GRIK4: variants seen among roughly 807,000 people sequenced by gnomAD.
GRIK4 encodes the protein glutamate receptor ionotropic, kainate 4.
In GRIK4, 40 loss-of-function variants were observed where a neutral mutation model predicts 104.9. That is an observed-to-expected ratio of 0.38 (90% CI 0.30 to 0.50). GRIK4 has a LOEUF of 0.50. GRIK4 is among the 20% of genes least tolerant of loss of function. The pLI, the probability that GRIK4 is intolerant of heterozygous loss-of-function variation, is 0.93. For missense variants in GRIK4, 1,047 were observed against 1,308.1 expected (o/e 0.80, Z 3.08); for synonymous variants, 485 against 524.9 (o/e 0.92, Z 1.04).
At position 120,987,869 on chromosome 11, in the gene GRIK4, T is replaced by A. The variant is rs1944782757; in HGVS notation, c.*1609T>A. 1 of 148,960 alleles carries A rather than the reference T, an allele frequency of 6.7e-6. No homozygotes were observed. Among genetic ancestry groups the A allele is most frequent in the Non-Finnish European group, 1.5e-5 (1 of 67,404 alleles). 9.2% of individuals were successfully genotyped at this position (148,960 alleles called of 1,614,324 possible). A position where few individuals can be genotyped will look rare whatever the true frequency, so the allele number is the denominator to read the frequency against. ...TGATGGAAAACAAATTCTATGCAAT[T>A]TCTGATTGTAAACTTAGAAAATTCA... On this transcript the variant is annotated 3_prime_UTR_variant, in exon 21 of 21. Coordinates refer to ENST00000527524, the MANE Select transcript of GRIK4 (RefSeq NM_014619.5).
chr11:120,872,367 G>GGA (rs2135672696), intron 9 of GRIK4: 1 of 167,338 alleles, frequency 6.0e-6, no homozygotes, highest in Admixed American at 5.8e-5. Context: ...CACTCTGCCT[G>GGA]GAGAGCTTGA....
At chr11:120,771,894 C>T (rs1359441627) in intron 3 of GRIK4, among the ~76,000 whole-genome samples, 1 of 152,234 alleles carries the variant, frequency 6.6e-6, no homozygotes, top group Non-Finnish European at 1.5e-5. Flanking sequence ...ATGGAGAACC[C>T]CCACTTGGGC....
At chr11:120,794,746 T>G (rs1208852100) in intron 3 of GRIK4, among the ~76,000 whole-genome samples, 3 of 152,054 alleles carry the variant, frequency 2.0e-5, no homozygotes, top group Non-Finnish European at 4.4e-5. Flanking sequence ...CAGTCTGTGG[T>G]GCTTTGTAAT....
intron 13 of GRIK4, among the ~76,000 whole-genome samples, chr11:120,908,124 G>A (rs763819706): frequency 8.5e-5 from 13 of 152,176 alleles, no homozygotes; most frequent in Non-Finnish European, 1.5e-4. Context: ...AGAAGCCATT[G>A]CATCTAAATC....
At chr11:120,591,176 C>T (rs1565563930) in intron 1 of GRIK4, among the ~76,000 whole-genome samples, 2 of 151,636 alleles carry the variant, frequency 1.3e-5, no homozygotes, top group South Asian at 2.1e-4. Flanking sequence ...CATCTCCTCC[C>T]TTGACTGTGG....
intron 1 of GRIK4, among the ~76,000 whole-genome samples, chr11:120,581,219 TTCTC>T (rs973694768): frequency 6.6e-6 from 1 of 152,208 alleles, no homozygotes; most frequent in Non-Finnish European, 1.5e-5. Context: ...TCTTTTCATT[TTCTC>T]TCTCTCTGTC....
intron 1 of GRIK4, among the ~76,000 whole-genome samples, chr11:120,544,032 C>T (rs999250288): frequency 6.6e-6 from 1 of 152,176 alleles, no homozygotes; most frequent in Non-Finnish European, 1.5e-5. Flanking sequence ...CTATGCAAGG[C>T]GAGTCAGTTC....
At chr11:120,543,326 C>G (rs968883154) in intron 1 of GRIK4, among the ~76,000 whole-genome samples, 4 of 152,110 alleles carry the variant, frequency 2.6e-5, no homozygotes, top group African/African-American at 9.7e-5. Context: ...GCCTGTAATC[C>G]CAGCACTTTT....
At chr11:120,874,795 C>T (rs1954731661) in intron 10 of GRIK4, among the ~76,000 whole-genome samples, 2 of 152,134 alleles carry the variant, frequency 1.3e-5, no homozygotes, top group Non-Finnish European at 2.9e-5. Context: ...TGGGTGAGTG[C>T]CTGCCCGGAG....
At chr11:120,969,444 C>T (rs891037383) in intron 19 of GRIK4, among the ~76,000 whole-genome samples, 1 of 152,010 alleles carries the variant, frequency 6.6e-6, no homozygotes, top group Admixed American at 6.6e-5. Flanking sequence ...GTGGGCAGGG[C>T]TGTGTGCAGG....
At chr11:120,680,269 G>A (rs544212455) in intron 3 of GRIK4, among the ~76,000 whole-genome samples, 1 of 152,272 alleles carries the variant, frequency 6.6e-6, no homozygotes, top group African/African-American at 2.4e-5. Context: ...GTAGAGATGG[G>A]GTTTTGCCAT....
At chr11:120,618,077 A>T (rs1949138699) in intron 1 of GRIK4, among the ~76,000 whole-genome samples, 1 of 152,152 alleles carries the variant, frequency 6.6e-6, no homozygotes, top group Non-Finnish European at 1.5e-5. Context: ...TTGTGACCCA[A>T]ATGCAGATAG....
chr11:120,864,150 C>T (rs1954331861), intron 9 of GRIK4, among the ~76,000 whole-genome samples: 2 of 152,048 alleles, frequency 1.3e-5, no homozygotes, highest in Non-Finnish European at 2.9e-5. Context: ...CAATGCAAGC[C>T]CTGTTCTCCC....
intron 1 of GRIK4, among the ~76,000 whole-genome samples, chr11:120,629,944 A>C (rs1050873971): frequency 6.6e-6 from 1 of 152,184 alleles, no homozygotes; most frequent in Non-Finnish European, 1.5e-5. Context: ...TTGCACTGGC[A>C]GTTGGGCTGG....
intron 3 of GRIK4, among the ~76,000 whole-genome samples, chr11:120,696,931 C>G (rs1950459193): frequency 6.6e-6 from 1 of 152,222 alleles, no homozygotes; most frequent in Admixed American, 6.5e-5. Context: ...AAAGATATGA[C>G]TGTTGTGGGG....
intron 3 of GRIK4, among the ~76,000 whole-genome samples, chr11:120,795,529 T>C (rs777466931): frequency 1.3e-5 from 2 of 152,212 alleles, no homozygotes; most frequent in Non-Finnish European, 2.9e-5. Context: ...ATTGATTCAC[T>C]CAACAACCAT....
rs188352094 is a variant in GRIK4, at chr11:120,888,829, T to C, written c.1165-9703T>C. On this transcript the variant is annotated intron_variant, in intron 11 of 20. Transcript: ENST00000527524. ...GTATAGATTTGCTTTTTAAAATGCA[T>C]GTCTTGACCCACTGAATTGATTTCA... 1.8e-4 allele frequency among the ~76,000 whole-genome samples: 28 copies of C among 152,348 alleles called. No homozygotes were observed. In the East Asian group the frequency reaches 5.2e-3, roughly 28 times the overall value.
At chr11:120,552,540 C>G (rs1238371924) in intron 1 of GRIK4, among the ~76,000 whole-genome samples, 1 of 152,078 alleles carries the variant, frequency 6.6e-6, no homozygotes, top group Non-Finnish European at 1.5e-5. Context: ...AGGGAGGGCA[C>G]AGGATGCTGT....
intron 1 of GRIK4, among the ~76,000 whole-genome samples, chr11:120,519,104 G>T (rs1257199903): frequency 6.6e-6 from 1 of 152,200 alleles, no homozygotes; most frequent in African/African-American, 2.4e-5. Context: ...CACGGATAGG[G>T]CCTTGTGCTT....
Sources: gnomAD v4.1 joint callset for allele counts (sites outside exome capture counted in the v4.1 genomes callset) on GRCh38, gnomAD v4.1.1 for gene constraint, MANE v1.5 for transcripts, NCBI Gene and HGNC (gene_info 2026-07-23, HGNC 2026-07-21) for gene names.